ALS2: variants seen among roughly 807,000 people sequenced by gnomAD.
The protein encoded by ALS2 is alsin.
ALS2 carries 117 observed loss-of-function variants against 203.4 expected under a neutral mutation model. That is an observed-to-expected ratio of 0.58 (90% CI 0.50 to 0.67). The LOEUF (loss-of-function observed/expected upper bound fraction) is 0.67. Among genes scored for constraint, ALS2 ranks in the 30% least tolerant of loss-of-function variants. The pLI is 0.00. For synonymous variants in ALS2, 718 were observed against 725.9 expected (o/e 0.99, Z 0.17); for missense variants, 1,715 against 1,989.4 (o/e 0.86, Z 2.62).
chr2:201,769,770 T>C (rs905866033), intron 1 of ALS2, among the ~76,000 whole-genome samples: 6 of 152,160 alleles, frequency 3.9e-5, no homozygotes, highest in South Asian at 2.1e-4. Flanking sequence ...GTGTAAACCA[T>C]AAAAATATTG....
intron 3 of ALS2, among the ~76,000 whole-genome samples, chr2:201,766,674 A>G (rs1175981899): frequency 6.9e-6 from 1 of 145,096 alleles, no homozygotes; most frequent in Non-Finnish European, 1.5e-5. Context: ...AAAAAAAAGC[A>G]AAGACTTGGA....
Position 201,733,259 on chromosome 2 carries a change from T to TA in ALS2, c.2580+16dup. 1 of 1,613,318 alleles carries TA rather than the reference T, an allele frequency of 6.2e-7. No individual in the cohort carries two copies. Among genetic ancestry groups the TA allele is most frequent in the South Asian group, 1.1e-5 (1 of 91,018 alleles). ...TTGGCTTTCCAAATGTCCAAAGAGG[T>TA]ATACATGGGAGCTTACCACTTCAAA... On this transcript the variant is annotated intron_variant, in intron 13 of 33. Coordinates refer to ENST00000264276, the MANE Select transcript of ALS2 (RefSeq NM_020919.4).
chr2:201,771,235 C>CG (rs1559092377), intron 1 of ALS2, among the ~76,000 whole-genome samples: 1 of 151,792 alleles, frequency 6.6e-6, no homozygotes, highest in Non-Finnish European at 1.5e-5. Context: ...TTAGTAGAGA[C>CG]GGGGTTTCAC....
chr2:201,726,722 G>T lies in ALS2; in HGVS notation c.3124C>A (p.Pro1042Thr), dbSNP rs768611381. The T allele has an allele frequency of 1.2e-6, 2 of 1,614,182 alleles. No homozygotes were observed. Among genetic ancestry groups the T allele is most frequent in the South Asian group, 2.2e-5 (2 of 91,080 alleles). ...TCATAGGTGGCATCCTTTAGGCGAGGATCCTTGTAGAAAGTATATTTGGCA... is the reference window on the plus strand; with the variant it reads ...TCATAGGTGGCATCCTTTAGGCGAGTATCCTTGTAGAAAGTATATTTGGCA... Reference protein sequence around the residue: ...RSAKYTFYKDPRLKDATYDGR... With the variant: ...RSAKYTFYKDTRLKDATYDGR... Residue 1042 changes from proline (P) to threonine (T), a missense_variant, in exon 18 of 34, where the codon CCT becomes ACT. Coordinates refer to ENST00000264276, the MANE Select transcript of ALS2 (RefSeq NM_020919.4).
chr2:201,747,490 G>A (rs372384919), intron 8 of ALS2, among the ~76,000 whole-genome samples: 14 of 138,368 alleles, frequency 1.0e-4, no homozygotes, highest in Admixed American at 5.9e-4. Context: ...AGACTCTTTC[G>A]CCCAGGCTGG....
chr2:201,769,858 T>A (rs552918718), intron 1 of ALS2, among the ~76,000 whole-genome samples: 156 of 152,068 alleles, frequency 1.0e-3, no homozygotes, highest in Non-Finnish European at 1.4e-3. Context: ...CTGGCAGGAG[T>A]GATCTGGGGT....
At position 201,761,457 on chromosome 2, in the gene ALS2, C is replaced by G. The variant is rs1198069855; in HGVS notation, c.537G>C (p.Gln179His). 3 of 1,607,538 alleles carry G rather than the reference C, an allele frequency of 1.9e-6. No individual in the cohort carries two copies. The highest frequency in any genetic ancestry group is 2.6e-6 in the Non-Finnish European group (3 of 1,174,738). The change falls in exon 4 of 34, where the codon CAG becomes CAC. Residue 179 changes from glutamine to histidine, a missense_variant. Gln to His is a conservative substitution (Grantham distance 24). Transcript: ENST00000264276. ...REIWAWGTGC[Q>H]LGLITTAFPV... ...GGAAGGCAGTGGTAATGAGACCCAA[C>G]TGACAACCGGTACCCCATGCCCAAA...
intron 11 of ALS2, 183 bp downstream of exon 11, chr2:201,741,491 C>A: frequency 4.8e-6 from 3 of 621,470 alleles, no homozygotes; most frequent in Non-Finnish European, 8.5e-6. Flanking sequence ...AATTTTTTTT[C>A]ATTTAGAGAA....
chr2:201,736,120 CAGA>C (rs528643232), intron 12 of ALS2, among the ~76,000 whole-genome samples: 38 of 151,608 alleles, frequency 2.5e-4, no homozygotes, highest in African/African-American at 6.3e-4. Context: ...TTGTCAAAAC[CAGA>C]AGTTCTCAAA....
chr2:201,748,322 G>A (rs553122423), intron 8 of ALS2, among the ~76,000 whole-genome samples: 10 of 152,186 alleles, frequency 6.6e-5, no homozygotes, highest in Non-Finnish European at 1.5e-5. Flanking sequence ...TGCAAAGGAC[G>A]CATTACAATT....
Position 201,757,575 on chromosome 2 carries a change from CCA to C in ALS2, c.1296_1297del (p.Gly433SerfsTer6). 1 of 1,614,138 alleles carries C rather than the reference CCA, an allele frequency of 6.2e-7. No individual in the cohort carries two copies. The highest frequency in any genetic ancestry group is 8.5e-7 in the Non-Finnish European group (1 of 1,180,018). On this transcript the variant is annotated frameshift_variant, in exon 5 of 34. Coordinates refer to ENST00000264276, the MANE Select transcript of ALS2 (RefSeq NM_020919.4). LOFTEE classifies it high-confidence loss of function. ...AATGGCACTACTGCCTGCCTGAGCT[CCA>C]GTTTCACAAGGGGTTGTACTATAAA...
chr2:201,739,235 C>CCAA (rs745464396), intron 11 of ALS2, among the ~76,000 whole-genome samples: 36 of 41,030 alleles, frequency 8.8e-4, no homozygotes, highest in Non-Finnish European at 1.3e-3. Flanking sequence ...GACTGTCTCC[C>CCAA]AAAAAAAAAA....
rs1321138332 is a variant in ALS2, at chr2:201,726,837, G to A, written c.3009C>T (p.Ala1003=). 8.1e-6 allele frequency: 13 copies of A among 1,614,054 alleles called. No individual in the cohort carries two copies. The highest frequency in any genetic ancestry group is 1.3e-5 in the African/African-American group (1 of 75,028). Residue 1003 remains alanine (A), a synonymous_variant, in exon 18 of 34, where the codon GCC becomes GCT. Transcript: ENST00000264276. ...ACATCCCTCTCAAAGCCTGATCTAC[G>A]GCTTGGCTTATAGCTCGTAGCCACT... ...KTKWLRAISQ[A]VDQALRGMSD...
intron 6 of ALS2, 37 bp from the exon 7 acceptor site, chr2:201,753,279 A>C: frequency 6.5e-7 from 1 of 1,535,428 alleles, no homozygotes; most frequent in South Asian, 1.1e-5. Flanking sequence ...AAGTCAAAGT[A>C]TTCTCAGCAA....
chr2:201,723,060 A>T lies in ALS2; in HGVS notation c.3685T>A (p.Trp1229Arg). 2 of 1,612,508 alleles carry T rather than the reference A, an allele frequency of 1.2e-6. No individual in the cohort carries two copies. Among genetic ancestry groups the T allele is most frequent in the South Asian group, 2.2e-5 (2 of 90,824 alleles). ...TIYEGEFSDD[W>R]TLSGKGTLTM... ...TTTCCAACCTTTCCACTAAGAGTCCAGTCATCTGAAAATTCTCCTTCATAG... is the reference window on the plus strand; with the variant it reads ...TTTCCAACCTTTCCACTAAGAGTCCTGTCATCTGAAAATTCTCCTTCATAG... The change falls in exon 23 of 34, where the codon TGG becomes AGG. Residue 1229 changes from tryptophan to arginine, a missense_variant. This residue lies in a region of ALS2 where 1,227 missense variants were observed against 1,413.5 expected (regional missense o/e 0.87). Transcript: ENST00000264276.
At chr2:201,737,234 C>G (rs2106032073) in intron 12 of ALS2, among the ~76,000 whole-genome samples, 1 of 152,068 alleles carries the variant, frequency 6.6e-6, no homozygotes, top group East Asian at 1.9e-4. Flanking sequence ...GATGATTTAA[C>G]ATATATGAAA....
At chr2:201,753,340 T>C in intron 6 of ALS2, 98 bp from the exon 7 acceptor site, 1 of 957,002 alleles carries the variant, frequency 1.0e-6, no homozygotes, top group Non-Finnish European at 1.7e-6. Context: ...AAAATAAACA[T>C]TTCTAAAGAA....
At chr2:201,754,103 C>T (rs1217911133) in intron 6 of ALS2, among the ~76,000 whole-genome samples, 2 of 151,748 alleles carry the variant, frequency 1.3e-5, no homozygotes, top group African/African-American at 4.8e-5. Flanking sequence ...CTCTGCCCTT[C>T]CCAGATTCAA....
At chr2:201,723,178 T>G (rs1043189423) in intron 22 of ALS2, 58 bp from the exon 23 acceptor site, 1 of 1,464,412 alleles carries the variant, frequency 6.8e-7, no homozygotes, top group Admixed American at 1.7e-5. Flanking sequence ...AACTTAAGAG[T>G]GCACGCAGTC....
Sources: gnomAD v4.1 joint callset for allele counts (sites outside exome capture counted in the v4.1 genomes callset) on GRCh38, gnomAD v4.1.1 for gene constraint, gnomAD v4.1.1 regional missense constraint, MANE v1.5 for transcripts, NCBI Gene and HGNC (gene_info 2026-07-23, HGNC 2026-07-21) for gene names.